The following UGT1A4 variants were observed in gnomAD, a reference collection of about 807,000 sequenced individuals.
The protein encoded by UGT1A4 is UDP glucuronosyltransferase family 1 member A4.
UGT1A4 carries 32 observed loss-of-function variants against 41.1 expected under a neutral mutation model. The observed-to-expected ratio is 0.78, with a 90% CI of 0.59 to 1.05. UGT1A4 has a LOEUF of 1.05. UGT1A4 is among the 50% of genes least tolerant of loss of function. UGT1A4 has a pLI of 0.00. For synonymous variants in UGT1A4, 283 were observed against 265.1 expected (o/e 1.07, Z -0.66); for missense variants, 748 against 677.4 (o/e 1.10, Z -1.16).
At chr2:233,721,730 G>A (rs1364085120) in intron 1 of UGT1A4, 3 of 416,596 alleles carry the variant, frequency 7.2e-6, no homozygotes, top group Non-Finnish European at 9.6e-6. Context: ...ACTTGGATAA[G>A]CTTAATGATG....
intron 1 of UGT1A4, among the ~76,000 whole-genome samples, chr2:233,766,795 T>C (rs1485406690): frequency 1.3e-5 from 2 of 152,194 alleles, no homozygotes; most frequent in African/African-American, 4.8e-5. Flanking sequence ...AACTAGCACA[T>C]TACCTGGATT....
In UGT1A4 at chr2:233,754,741, T is replaced by C; in HGVS notation, c.868-12293T>C. On this transcript the variant is annotated intron_variant, in intron 1 of 4. Coordinates refer to ENST00000373409, the MANE Select transcript of UGT1A4 (RefSeq NM_007120.3). Reference sequence around the variant, plus strand: ...CCTGTCCCATCACTACCGTAGGACATGCAGAAGGAAGAAAGGCCCCCACTT... The same window carrying C: ...CCTGTCCCATCACTACCGTAGGACACGCAGAAGGAAGAAAGGCCCCCACTT... The C allele has an allele frequency of 7.1e-6, 5 of 707,448 alleles. No homozygotes were observed. In the South Asian group the frequency reaches 7.2e-5, roughly 10 times the overall value. The allele number at this position is 707,448 out of a possible 1,614,324, so 43.8% of individuals were successfully genotyped here. A position where few individuals can be genotyped will look rare whatever the true frequency, so the allele number is the denominator to read the frequency against.
rs569317540 is a variant in UGT1A4 at position 233,719,363 on chromosome 2, C to G, written c.543C>G (p.Asp181Glu). 2.5e-6 allele frequency: 4 copies of G among 1,613,942 alleles called. No individual in the cohort carries two copies. The African/African-American group carries it at 4.0e-5, about 16-fold the overall frequency. Residue 181 changes from aspartate (D) to glutamate (E), a missense_variant, in exon 1 of 5, where the codon GAC becomes GAG. By Grantham distance (45) the Asp-to-Glu change is conservative. Transcript: ENST00000373409. ...GGAGGTACATTCCATGTGACTTAGA[C>G]TTTAAGGGCACACAGTGTCCAAATC... ...FFWRYIPCDL[D>E]FKGTQCPNPS... is the part of the protein sequence containing the mutation.
chr2:233,719,028 A>G lies in UGT1A4; in HGVS notation c.208A>G (p.Lys70Glu), dbSNP rs1032757626. Reference protein sequence around the residue: ...VLTPEVNMHIKEEKFFTLTAY... With the variant: ...VLTPEVNMHIEEEKFFTLTAY... ...CACCCCAGAGGTGAATATGCACATC[A>G]AAGAAGAGAAATTTTTCACCCTGAC... Residue 70 changes from lysine to glutamate, a missense_variant, in exon 1 of 5, where the codon AAA becomes GAA. Transcript: ENST00000373409. 6.2e-7 allele frequency: 1 copy of G among 1,614,250 alleles called. No individual in the cohort carries two copies. Among genetic ancestry groups the G allele is most frequent in the African/African-American group, 1.3e-5 (1 of 75,056 alleles).
chr2:233,747,562 T>C (rs1237868574), intron 1 of UGT1A4: 2 of 1,595,464 alleles, frequency 1.3e-6, no homozygotes, highest in South Asian at 1.1e-5. Context: ...ATGGCAATTT[T>C]GAAAAATTCA....
At chr2:233,759,367 G>A (rs1697118309) in intron 1 of UGT1A4, among the ~76,000 whole-genome samples, 1 of 152,146 alleles carries the variant, frequency 6.6e-6, no homozygotes, top group Admixed American at 6.5e-5. Flanking sequence ...CTATAAAAAG[G>A]TACAGGTTTT....
chr2:233,727,384 C>A (rs1032238584), intron 1 of UGT1A4, among the ~76,000 whole-genome samples: 2 of 152,144 alleles, frequency 1.3e-5, no homozygotes, highest in African/African-American at 4.8e-5. Context: ...TGGAGTACCA[C>A]CGTCTTCCAA....
intron 1 of UGT1A4, among the ~76,000 whole-genome samples, chr2:233,737,428 G>A (rs188444988): frequency 6.6e-6 from 1 of 152,348 alleles, no homozygotes; most frequent in African/African-American, 2.4e-5. Context: ...CAGTATTTGG[G>A]TGGGAGTGTC....
chr2:233,728,928 C>T (rs545859432), intron 1 of UGT1A4, among the ~76,000 whole-genome samples: 7 of 152,102 alleles, frequency 4.6e-5, no homozygotes, highest in African/African-American at 7.2e-5. Context: ...TAGTCATGAT[C>T]GGTCTTTTCC....
At chr2:233,755,500 A>G (rs1249263278) in intron 1 of UGT1A4, 1 of 181,898 alleles carries the variant, frequency 5.5e-6, no homozygotes, top group Non-Finnish European at 1.2e-5. Flanking sequence ...ATGCTCCAAG[A>G]CCAGGCCCCG....
chr2:233,724,272 C>T (rs2077202450), intron 1 of UGT1A4, among the ~76,000 whole-genome samples: 2 of 137,942 alleles, frequency 1.4e-5, no homozygotes, highest in African/African-American at 5.4e-5. Context: ...GACGGGGCGG[C>T]TGGCCGGGCG....
At chr2:233,729,286 A>G (rs751108537) in intron 1 of UGT1A4, 2 of 1,614,248 alleles carry the variant, frequency 1.2e-6, no homozygotes, top group Non-Finnish European at 1.7e-6. Context: ...GCTCCATGCC[A>G]GAGGCCACCA....
chr2:233,727,172 G>A (rs930119723), intron 1 of UGT1A4, among the ~76,000 whole-genome samples: 2 of 152,114 alleles, frequency 1.3e-5, no homozygotes, highest in African/African-American at 2.4e-5. Flanking sequence ...GCTTTTTTCT[G>A]TCTCTGGACT....
chr2:233,767,212 G>A (rs377453564), intron 2 of UGT1A4, 47 bp downstream of exon 2: 197 of 1,612,180 alleles, frequency 1.2e-4, no homozygotes, highest in Admixed American at 3.0e-4. Context: ...TCACAGGAGC[G>A]CTAATCCCAG....
At chr2:233,720,792 A>C (rs1575534792) in intron 1 of UGT1A4, among the ~76,000 whole-genome samples, 4 of 135,258 alleles carry the variant, frequency 3.0e-5, no homozygotes, top group Non-Finnish European at 4.7e-5. Flanking sequence ...TGCAACCTTC[A>C]CCTCCCGGGT....
chr2:233,758,661 T>C (rs1290185814), intron 1 of UGT1A4, among the ~76,000 whole-genome samples: 2 of 152,178 alleles, frequency 1.3e-5, no homozygotes, highest in Non-Finnish European at 2.9e-5. Context: ...GGTACCCTAA[T>C]TACCTGTTAA....
At chr2:233,729,527 A>T in intron 1 of UGT1A4, 1 of 1,614,206 alleles carries the variant, frequency 6.2e-7, no homozygotes, top group Non-Finnish European at 8.5e-7. Context: ...CTACTACATA[A>T]TGAGGCCCTG....
At chr2:233,747,140 A>T in intron 1 of UGT1A4, 1 of 1,552,466 alleles carries the variant, frequency 6.4e-7, no homozygotes. Context: ...GTGACAAGGT[A>T]ATTAAGATGA....
Position 233,739,559 on chromosome 2 carries a change from G to A in UGT1A4, c.867+19872G>A, listed in dbSNP as rs1322307786. On this transcript the variant is annotated intron_variant, in intron 1 of 4. Coordinates refer to ENST00000373409, the MANE Select transcript of UGT1A4 (RefSeq NM_007120.3). ...TTTGGAGCTTTAAGATTTAATGACTGCCCTGCCTGGTTTTGGACTTGCATG... is the reference window on the plus strand; with the variant it reads ...TTTGGAGCTTTAAGATTTAATGACTACCCTGCCTGGTTTTGGACTTGCATG... 2.6e-5 allele frequency among the ~76,000 whole-genome samples: 4 copies of A among 152,224 alleles called. No homozygotes were observed. In the South Asian group the frequency reaches 8.3e-4, roughly 31 times the overall value.
Sources: gnomAD v4.1 joint callset for allele counts (sites outside exome capture counted in the v4.1 genomes callset) on GRCh38, gnomAD v4.1.1 for gene constraint, MANE v1.5 for transcripts, NCBI Gene and HGNC (gene_info 2026-07-23, HGNC 2026-07-21) for gene names.